The following PMS1 variants were observed in gnomAD, a reference collection of about 807,000 sequenced individuals.
The protein encoded by PMS1 is PMS1 protein homolog 1.
In PMS1, 79 loss-of-function variants were observed where a neutral mutation model predicts 93.1. That is an observed-to-expected ratio of 0.85 (90% confidence interval 0.71 to 1.02). The LOEUF (loss-of-function observed/expected upper bound fraction) is 1.02, where lower values mean the gene tolerates loss of function less well. Among genes scored for constraint, PMS1 ranks in the 50% least tolerant of loss-of-function variants. The pLI is 0.00. For missense variants in PMS1, 1,064 were observed against 1,085.3 expected, an observed-to-expected ratio of 0.98 and a Z score of 0.28; for synonymous variants, 335 against 363.4, an observed-to-expected ratio of 0.92 and a Z score of 0.89.
intron 4 of PMS1, among the ~76,000 whole-genome samples, chr2:189,815,294 C>G (rs2051197205): frequency 6.6e-6 from 1 of 151,934 alleles, no homozygotes; most frequent in Non-Finnish European, 1.5e-5. Flanking sequence ...GCTTTAATTC[C>G]CACCCCTTTT....
At chr2:189,857,772 G>A (rs2055506168) in intron 9 of PMS1, among the ~76,000 whole-genome samples, 1 of 152,020 alleles carries the variant, frequency 6.6e-6, no homozygotes, top group African/African-American at 2.4e-5. Context: ...AGAATGTGAT[G>A]AGCTTTAAGA....
chr2:189,797,367 G>A (rs898117843), intron 3 of PMS1, among the ~76,000 whole-genome samples: 14 of 152,270 alleles, frequency 9.2e-5, no homozygotes, highest in African/African-American at 2.9e-4. Context: ...ATTATACTAC[G>A]CTGCCTCTGC....
At chr2:189,786,411 G>T (rs1204915966) in intron 1 of PMS1, among the ~76,000 whole-genome samples, 3 of 152,172 alleles carry the variant, frequency 2.0e-5, no homozygotes, top group African/African-American at 7.2e-5. Context: ...GTACAAAGAG[G>T]AGAGGACTAG....
chr2:189,864,917 A>G (rs1276228215), intron 10 of PMS1, among the ~76,000 whole-genome samples: 1 of 150,828 alleles, frequency 6.6e-6, no homozygotes, highest in Non-Finnish European at 1.5e-5. Flanking sequence ...GACATTTTCA[A>G]ACACATAATA....
intron 9 of PMS1, among the ~76,000 whole-genome samples, chr2:189,861,705 G>A (rs1000803561): frequency 6.7e-6 from 1 of 149,586 alleles, no homozygotes; most frequent in South Asian, 2.1e-4. Flanking sequence ...AGCTGAAATC[G>A]TGCCACTGCA....
intron 5 of PMS1, among the ~76,000 whole-genome samples, chr2:189,838,171 CTGTTA>C (rs755212734): frequency 3.3e-5 from 5 of 152,040 alleles, no homozygotes; most frequent in Non-Finnish European, 4.4e-5. Context: ...ATACCTTAAA[CTGTTA>C]TGTTAAGAGG....
chr2:189,831,004 C>T (rs765088596), intron 5 of PMS1, among the ~76,000 whole-genome samples: 6 of 152,132 alleles, frequency 3.9e-5, no homozygotes, highest in Admixed American at 6.5e-5. Context: ...CAACTCTGAA[C>T]GTGATTTTCA....
intron 11 of PMS1, 151 bp from the exon 12 acceptor site, chr2:189,873,345 T>A (rs2057308378): frequency 1.7e-6 from 1 of 593,688 alleles, no homozygotes; most frequent in Admixed American, 2.8e-5. Context: ...GGGAAATTAC[T>A]ATTTGTTCTC....
intron 4 of PMS1, 148 bp downstream of exon 4, chr2:189,805,902 C>G: frequency 6.5e-7 from 1 of 1,530,758 alleles, no homozygotes; most frequent in African/African-American, 1.4e-5. Flanking sequence ...AAACATTCAG[C>G]CTTTATTCTA....
chr2:189,786,028 G>A (rs539812862), intron 1 of PMS1, among the ~76,000 whole-genome samples: 2 of 152,156 alleles, frequency 1.3e-5, no homozygotes, highest in Non-Finnish European at 2.9e-5. Context: ...GCAGGGCTGG[G>A]ACAGGAGAAT....
intron 6 of PMS1, among the ~76,000 whole-genome samples, chr2:189,848,389 A>C (rs1009186735): frequency 6.6e-6 from 1 of 152,208 alleles, no homozygotes; most frequent in Non-Finnish European, 1.5e-5. Context: ...GTGCACATTC[A>C]AGTGTGAAAA....
At chr2:189,869,731 C>T (rs540383574) in intron 11 of PMS1, among the ~76,000 whole-genome samples, 17 of 151,434 alleles carry the variant, frequency 1.1e-4, no homozygotes, top group Middle Eastern at 3.4e-3. Context: ...GCAGGAGAAT[C>T]GCTTGAACCC....
In PMS1 at chr2:189,843,975, G is replaced by T. The variant is rs143010673; in HGVS notation, c.594G>T (p.Trp198Cys). The change falls in exon 6 of 13, where the codon TGG becomes TGT. Residue 198 changes from tryptophan to cysteine, a missense_variant. By Grantham distance (215) the Trp-to-Cys change is radical (BLOSUM62 -2). Transcript: ENST00000441310. ...IVFVHNKAVI[W>C]QKSRVSDHKM... is the part of the protein sequence containing the mutation. Reference sequence around the variant, plus strand: ...ATTTTTGTCCCTAGGCAGTTATTTGGCAGAAAAGCAGAGTATCAGATCACA... The same window carrying T: ...ATTTTTGTCCCTAGGCAGTTATTTGTCAGAAAAGCAGAGTATCAGATCACA... The T allele has an allele frequency of 1.9e-5, 31 of 1,613,716 alleles. No individual in the cohort carries two copies. Among genetic ancestry groups the T allele is most frequent in the Non-Finnish European group, 2.5e-5 (30 of 1,179,754 alleles).
At chr2:189,816,097 G>C (rs2051271860) in intron 4 of PMS1, among the ~76,000 whole-genome samples, 1 of 152,080 alleles carries the variant, frequency 6.6e-6, no homozygotes, top group South Asian at 2.1e-4. Context: ...GGGTCTCACT[G>C]TGTTGCCCAG....
rs752620656 is a variant in PMS1, at chr2:189,844,643, C to CAAAA, written c.699+580_699+583dup. On this transcript the variant is annotated intron_variant, in intron 6 of 12. Coordinates refer to ENST00000441310, the MANE Select transcript of PMS1 (RefSeq NM_000534.5). Reference sequence around the variant, plus strand: ...TGGGTGACAGAGTGAGATTCCATCTCAAAAAAAAAAAAAAAAAAAACTGTT... The same window carrying CAAAA: ...TGGGTGACAGAGTGAGATTCCATCTCAAAAAAAAAAAAAAAAAAAAAAAACTGTT... Among the ~76,000 whole-genome samples the CAAAA allele has an allele frequency of 1.0e-3, 64 of 62,524 alleles. 3 individuals carry two copies. The highest frequency in any genetic ancestry group is 2.9e-3 in the African/African-American group (62 of 21,130). 41.0% of individuals were successfully genotyped at this position (62,524 alleles called of 152,430 possible).
At chr2:189,789,937 T>C (rs1184699517) in intron 1 of PMS1, among the ~76,000 whole-genome samples, 1 of 152,208 alleles carries the variant, frequency 6.6e-6, no homozygotes, top group African/African-American at 2.4e-5. Context: ...CCCTGCATGC[T>C]TTACAGATGG....
intron 6 of PMS1, among the ~76,000 whole-genome samples, chr2:189,847,149 T>TAGAAAAAAAGAAGATAGAAAATAGAAG (rs375570428): frequency 8.7e-4 from 132 of 152,222 alleles, no homozygotes; most frequent in African/African-American, 3.1e-3. Context: ...TTCTAGATGA[T>TAGAAAAAAAGAAGATAGAAAATAGAAG]ATGTTTTCTT....
chr2:189,828,263 A>G (rs962118973), intron 5 of PMS1, among the ~76,000 whole-genome samples: 3 of 152,166 alleles, frequency 2.0e-5, no homozygotes, highest in Non-Finnish European at 4.4e-5. Flanking sequence ...CACCGTAGGG[A>G]CACTATAGCA....
intron 5 of PMS1, among the ~76,000 whole-genome samples, chr2:189,842,910 C>G (rs2053931303): frequency 6.8e-6 from 1 of 148,084 alleles, no homozygotes; most frequent in Non-Finnish European, 1.5e-5. Flanking sequence ...ATTTTAATGC[C>G]TCTCTGGGCC....
Sources: allele counts gnomAD v4.1 joint callset (sites outside exome capture counted in the v4.1 genomes callset), GRCh38; gene constraint gnomAD v4.1.1; transcripts MANE v1.5; gene names NCBI Gene and HGNC (gene_info 2026-07-23, HGNC 2026-07-21).